Variants in LINGO2 observed in about 807,000 individuals in gnomAD.
LINGO2 encodes leucine rich repeat and Ig domain containing 2, also known as leucine-rich repeat and immunoglobulin-like domain-containing nogo receptor-interacting protein 2.
A neutral mutation model predicts 30.6 loss-of-function variants in LINGO2; 14 were observed. The observed-to-expected ratio is 0.46, with a 90% CI of 0.30 to 0.72. The LOEUF is 0.72. Ranked by LOEUF, LINGO2 falls within the 30% of genes least tolerant of loss-of-function variation. LINGO2 has a pLI of 0.07. For synonymous variants in LINGO2, 317 were observed against 288.5 expected (o/e 1.10, Z -1.00); for missense variants, 729 against 751.7 (o/e 0.97, Z 0.35).
At chr9:28,462,747 T>C (rs533233908) in intron 2 of LINGO2, among the ~76,000 whole-genome samples, 17 of 152,186 alleles carry the variant, frequency 1.1e-4, no homozygotes, top group African/African-American at 3.6e-4. Context: ...CCCACAATTT[T>C]AAAAACAAGG....
At chr9:28,048,158 A>G (rs1374154643) in intron 4 of LINGO2, among the ~76,000 whole-genome samples, 1 of 150,892 alleles carries the variant, frequency 6.6e-6, no homozygotes, top group African/African-American at 2.4e-5. Flanking sequence ...AAAAGGGGTA[A>G]GACATTTAAT....
At chr9:29,198,034 A>G in the LINGO2 span, among the ~76,000 whole-genome samples, 7 of 152,126 alleles carry the variant, frequency 4.6e-5, no homozygotes, top group African/African-American at 1.7e-4. Context: ...CATAAATCAT[A>G]CTGTAATTCC....
chr9:28,271,501 G>A (rs774155368), intron 4 of LINGO2, among the ~76,000 whole-genome samples: 3 of 152,136 alleles, frequency 2.0e-5, no homozygotes, highest in Non-Finnish European at 2.9e-5. Flanking sequence ...AAATAACATA[G>A]AATTTGTAAA....
At chr9:27,975,832 A>C (rs192671616) in intron 5 of LINGO2, among the ~76,000 whole-genome samples, 10 of 152,294 alleles carry the variant, frequency 6.6e-5, no homozygotes, top group African/African-American at 2.4e-4. Context: ...TATTGTCTTC[A>C]AAAGATTTCC....
At chr9:28,754,017 A>AACAC in the LINGO2 span, among the ~76,000 whole-genome samples, 2,718 of 146,102 alleles carry the variant, frequency 0.019, 96 homozygotes, top group African/African-American at 0.061. Flanking sequence ...CACACACACA[A>AACAC]ACACACACAC....
At chr9:28,775,281 AC>A in the LINGO2 span, among the ~76,000 whole-genome samples, 1 of 152,138 alleles carries the variant, frequency 6.6e-6, no homozygotes. Context: ...CAGTTGTACC[AC>A]CACTTGATTT....
In LINGO2 at chr9:28,626,061, G is replaced by A. The variant is rs556881608; in HGVS notation, c.-365+44139C>T. On this transcript the variant is annotated intron_variant, in intron 1 of 5. Transcript: ENST00000379992. ...AGTGGTGGCAACATTTGAGAATTCC[G>A]CTTGCTTCACAAATGCCAAAATTTG... Among the ~76,000 whole-genome samples, 12 of 152,110 alleles carry A rather than the reference G, an allele frequency of 7.9e-5. No homozygotes were observed. The South Asian group carries it at 1.5e-3, about 18-fold the overall frequency.
At chr9:28,713,963 G>A in the LINGO2 span, among the ~76,000 whole-genome samples, 1 of 151,826 alleles carries the variant, frequency 6.6e-6, no homozygotes, top group Non-Finnish European at 1.5e-5. Flanking sequence ...TTTGAGCCCA[G>A]CCTGCCCAAC....
the LINGO2 span, among the ~76,000 whole-genome samples, chr9:28,756,335 C>T: frequency 6.6e-6 from 1 of 151,940 alleles, no homozygotes; most frequent in African/African-American, 2.4e-5. Context: ...TAACCCAATG[C>T]CTGTACCCTC....
chr9:28,065,276 G>A (rs1035281822), intron 4 of LINGO2, among the ~76,000 whole-genome samples: 3 of 151,662 alleles, frequency 2.0e-5, no homozygotes, highest in Admixed American at 2.0e-4. Context: ...AATGAGGTTT[G>A]TATTTGTTTT....
chr9:28,816,035 AAG>A, the LINGO2 span, among the ~76,000 whole-genome samples: 1 of 152,168 alleles, frequency 6.6e-6, no homozygotes, highest in Non-Finnish European at 1.5e-5. Flanking sequence ...AACATGGTGG[AAG>A]GCATCATGTG....
chr9:28,644,603 T>TTAA (rs1244720732), intron 1 of LINGO2, among the ~76,000 whole-genome samples: 2 of 151,526 alleles, frequency 1.3e-5, no homozygotes, highest in African/African-American at 4.8e-5. Context: ...AAAGAAAGAA[T>TTAA]TAATAAGACC....
intron 5 of LINGO2, among the ~76,000 whole-genome samples, chr9:28,007,510 C>A (rs1465254072): frequency 1.3e-5 from 2 of 152,090 alleles, no homozygotes; most frequent in Non-Finnish European, 2.9e-5. Context: ...ACTAAAATAA[C>A]CTCACTTATC....
chr9:28,675,432 A>G, the LINGO2 span, among the ~76,000 whole-genome samples: 1 of 152,142 alleles, frequency 6.6e-6, no homozygotes, highest in African/African-American at 2.4e-5. Flanking sequence ...TCTAAATAAA[A>G]GCTTGCTCTT....
chr9:29,154,980 C>G, the LINGO2 span, among the ~76,000 whole-genome samples: 9 of 152,194 alleles, frequency 5.9e-5, no homozygotes, highest in Non-Finnish European at 1.2e-4. Context: ...GACATAAATT[C>G]CTTCAAACCT....
intron 5 of LINGO2, among the ~76,000 whole-genome samples, chr9:28,003,380 TAGATATAG>T (rs1468980481): frequency 7.2e-6 from 1 of 139,584 alleles, no homozygotes; most frequent in African/African-American, 2.9e-5. Context: ...GATAGATAGA[TAGATATAG>T]AGAGAGAGAG....
chr9:28,471,681 G>A (rs1825526524), intron 2 of LINGO2, among the ~76,000 whole-genome samples: 1 of 152,154 alleles, frequency 6.6e-6, no homozygotes, highest in African/African-American at 2.4e-5. Flanking sequence ...TGATTATAAA[G>A]ATATAGAGCT....
chr9:27,961,410 G>A (rs996283760), intron 5 of LINGO2, among the ~76,000 whole-genome samples: 3 of 152,124 alleles, frequency 2.0e-5, no homozygotes, highest in Non-Finnish European at 4.4e-5. Context: ...GGTGGAGAGA[G>A]GTACAGACAT....
the LINGO2 span, among the ~76,000 whole-genome samples, chr9:29,066,881 C>G: frequency 6.6e-6 from 1 of 151,852 alleles, no homozygotes; most frequent in African/African-American, 2.4e-5. Context: ...CAATCAGATC[C>G]CCCACTATTA....
Sources: allele counts gnomAD v4.1 joint callset (sites outside exome capture counted in the v4.1 genomes callset), GRCh38; gene constraint gnomAD v4.1.1; transcripts MANE v1.5; gene names NCBI Gene and HGNC (gene_info 2026-07-23, HGNC 2026-07-21).